The following ARMH4 variants were observed in gnomAD, a reference collection of about 807,000 sequenced individuals.
ARMH4 encodes armadillo like helical domain containing 4, also known as armadillo-like helical domain-containing protein 4.
Under a neutral mutation model 61.9 loss-of-function variants are expected in ARMH4, and 49 were observed. The ratio of observed to expected loss-of-function variants is 0.79; its 90% CI spans 0.63 to 1.00. ARMH4 has a LOEUF of 1.00. Ranked by LOEUF, ARMH4 falls within the 50% of genes least tolerant of loss-of-function variation. The pLI is 0.00. For synonymous variants in ARMH4, 368 were observed against 341.5 expected (o/e 1.08, Z -0.85); for missense variants, 934 against 930.0 (o/e 1.00, Z -0.06).
intron 2 of ARMH4, among the ~76,000 whole-genome samples, chr14:58,135,482 T>G (rs1043365794): frequency 1.3e-5 from 2 of 152,196 alleles, no homozygotes; most frequent in Non-Finnish European, 2.9e-5. Context: ...CAGGCGCTAT[T>G]TGTAATTTTA....
intron 1 of ARMH4, among the ~76,000 whole-genome samples, chr14:58,144,695 G>A (rs1448379650): frequency 5.3e-5 from 8 of 152,008 alleles, no homozygotes; most frequent in African/African-American, 9.7e-5. Context: ...GTGAAACCCC[G>A]TCTCCACTAA....
chr14:58,132,245 T>A (rs952337876), intron 3 of ARMH4, among the ~76,000 whole-genome samples: 1 of 152,222 alleles, frequency 6.6e-6, no homozygotes, highest in Non-Finnish European at 1.5e-5. Context: ...AAAACTTCAC[T>A]GCCTTTAAGA....
chr14:58,097,669 G>A (rs972770880), intron 4 of ARMH4, among the ~76,000 whole-genome samples: 4 of 146,698 alleles, frequency 2.7e-5, no homozygotes, highest in African/African-American at 5.2e-5. Flanking sequence ...TTCACAATTC[G>A]TCGTTTTCTT....
chr14:58,098,913 C>T (rs970465275), intron 4 of ARMH4, among the ~76,000 whole-genome samples: 1 of 152,006 alleles, frequency 6.6e-6, no homozygotes, highest in Non-Finnish European at 1.5e-5. Context: ...AAAAAGAAGG[C>T]TGACAAGGAG....
intron 5 of ARMH4, among the ~76,000 whole-genome samples, chr14:58,090,738 G>T (rs1015278967): frequency 2.8e-4 from 43 of 151,722 alleles, no homozygotes; most frequent in African/African-American, 9.9e-4. Context: ...AATTAGCTGG[G>T]CTGTGGTGGT....
chr14:58,078,025 G>T (rs1223792605), intron 5 of ARMH4, among the ~76,000 whole-genome samples: 1 of 152,310 alleles, frequency 6.6e-6, no homozygotes, highest in Middle Eastern at 3.4e-3. Context: ...GCTGAAGTCC[G>T]GAGGTATTCC....
At chr14:58,151,338 G>A (rs978452972) in intron 1 of ARMH4, among the ~76,000 whole-genome samples, 2 of 152,148 alleles carry the variant, frequency 1.3e-5, no homozygotes, top group Non-Finnish European at 2.9e-5. Context: ...GTGACCACGA[G>A]GCACATGAGA....
chr14:58,134,870 T>C (rs919141487), intron 2 of ARMH4, among the ~76,000 whole-genome samples: 1 of 151,278 alleles, frequency 6.6e-6, no homozygotes, highest in East Asian at 1.9e-4. Context: ...GGCAGGACAA[T>C]TGCCTGAACC....
At chr14:58,064,998 C>A (rs1302199677) in intron 5 of ARMH4, among the ~76,000 whole-genome samples, 4 of 152,142 alleles carry the variant, frequency 2.6e-5, no homozygotes. Context: ...AATCCCAGCA[C>A]TTTGGGAGGC....
chr14:58,151,490 G>A (rs1887920528), intron 1 of ARMH4, among the ~76,000 whole-genome samples: 1 of 152,066 alleles, frequency 6.6e-6, no homozygotes, highest in Admixed American at 6.6e-5. Context: ...CCTGGGGGAC[G>A]AGTCAGGGGC....
At chr14:58,118,469 G>T (rs1886606334) in intron 4 of ARMH4, among the ~76,000 whole-genome samples, 1 of 122,314 alleles carries the variant, frequency 8.2e-6, no homozygotes, top group South Asian at 2.9e-4. Flanking sequence ...AGCCCTAGGA[G>T]AAATTCATAT....
At chr14:58,095,635 A>C (rs1885723014) in intron 5 of ARMH4, among the ~76,000 whole-genome samples, 1 of 152,206 alleles carries the variant, frequency 6.6e-6, no homozygotes, top group Admixed American at 6.5e-5. Context: ...TTGTCTGTCC[A>C]CTGGAAGCCC....
At chr14:58,104,915 T>A (rs1886119545) in intron 4 of ARMH4, among the ~76,000 whole-genome samples, 1 of 152,212 alleles carries the variant, frequency 6.6e-6, no homozygotes, top group Non-Finnish European at 1.5e-5. Flanking sequence ...TAACACTTAA[T>A]AAACAATCAG....
At chr14:58,101,115 AG>A (rs1469779274) in intron 4 of ARMH4, 2 of 154,862 alleles carry the variant, frequency 1.3e-5, no homozygotes, top group Non-Finnish European at 2.9e-5. Context: ...TGCCTGGTAA[AG>A]TATTTGTAAG....
At chr14:58,006,865 A>G (rs1882193535) in intron 6 of ARMH4, among the ~76,000 whole-genome samples, 1 of 152,144 alleles carries the variant, frequency 6.6e-6, no homozygotes, top group Non-Finnish European at 1.5e-5. Context: ...CATATGTAAC[A>G]AACCTGCACG....
intron 6 of ARMH4, among the ~76,000 whole-genome samples, chr14:58,006,924 AAATAAATT>A (rs1882197296): frequency 6.8e-6 from 1 of 148,048 alleles, no homozygotes; most frequent in Non-Finnish European, 1.5e-5. Context: ...ATAAATAAAT[AAATAAATT>A]AATTAATTAA....
intron 4 of ARMH4, among the ~76,000 whole-genome samples, chr14:58,111,106 GT>G (rs529614358): frequency 1.1e-3 from 174 of 152,200 alleles, no homozygotes; most frequent in African/African-American, 4.0e-3. Flanking sequence ...TATTTCATGT[GT>G]GATTGAAGAT....
At chr14:58,074,949 G>A (rs577023699) in intron 5 of ARMH4, among the ~76,000 whole-genome samples, 1 of 152,080 alleles carries the variant, frequency 6.6e-6, no homozygotes, top group African/African-American at 2.4e-5. Context: ...GAGGGATGTG[G>A]CTTTATATAT....
At chr14:58,009,250 G>A (rs1269456873) in intron 6 of ARMH4, among the ~76,000 whole-genome samples, 2 of 152,116 alleles carry the variant, frequency 1.3e-5, no homozygotes, top group African/African-American at 4.8e-5. Flanking sequence ...TCTATAAAAG[G>A]GGAGCAGAGC....
Sources: allele counts gnomAD v4.1 joint callset (sites outside exome capture counted in the v4.1 genomes callset), GRCh38; gene constraint gnomAD v4.1.1; transcripts MANE v1.5; gene names NCBI Gene and HGNC (gene_info 2026-07-23, HGNC 2026-07-21).